SHISA9: variants seen among roughly 807,000 people sequenced by gnomAD.
SHISA9 encodes shisa family member 9, also known as protein shisa-9.
In SHISA9, 13 loss-of-function variants were observed where a neutral mutation model predicts 38.0. The ratio of observed to expected loss-of-function variants is 0.34; its 90% CI spans 0.22 to 0.54. SHISA9 has a LOEUF of 0.54. Ranked by LOEUF, SHISA9 falls within the 20% of genes least tolerant of loss-of-function variation. SHISA9 has a pLI of 0.91. For missense variants in SHISA9, 538 were observed against 575.8 expected, an observed-to-expected ratio of 0.93 and a Z score of 0.67; for synonymous variants, 275 against 242.0, an observed-to-expected ratio of 1.14 and a Z score of -1.27.
At chr16:13,369,482 A>T in the SHISA9 span, among the ~76,000 whole-genome samples, 4,007 of 152,218 alleles carry the variant, frequency 0.026, 72 homozygotes, top group Non-Finnish European at 0.039. Context: ...ATATCCTGGA[A>T]AGTTAGGTTT....
At chr16:13,402,888 G>A in the SHISA9 span, among the ~76,000 whole-genome samples, 2 of 152,192 alleles carry the variant, frequency 1.3e-5, no homozygotes, top group Non-Finnish European at 2.9e-5. Flanking sequence ...GGAGGCCAAG[G>A]CGGGCAGGTC....
At chr16:13,196,383 C>G (rs1482687807) in intron 2 of SHISA9, among the ~76,000 whole-genome samples, 1 of 135,586 alleles carries the variant, frequency 7.4e-6, no homozygotes, top group South Asian at 2.2e-4. Flanking sequence ...GGCGACAGAG[C>G]GAGACTCCGT....
the SHISA9 span, among the ~76,000 whole-genome samples, chr16:13,535,856 G>C: frequency 2.0e-5 from 3 of 152,142 alleles, no homozygotes; most frequent in South Asian, 2.1e-4. Flanking sequence ...TCTGGTTCAC[G>C]GTCTGCAAGA....
chr16:13,154,927 GTCCCTCTCTAGACA>G (rs1415304701), intron 2 of SHISA9, among the ~76,000 whole-genome samples: 3 of 152,234 alleles, frequency 2.0e-5, no homozygotes, highest in Non-Finnish European at 2.9e-5. Flanking sequence ...TGGGAACTCT[GTCCCTCTCTAGACA>G]TCCCTCTCTA....
chr16:13,539,389 TG>T, the SHISA9 span, among the ~76,000 whole-genome samples: 4 of 135,420 alleles, frequency 3.0e-5, 1 homozygote, highest in Non-Finnish European at 6.5e-5. Context: ...TTGTCCAAGC[TG>T]GTCTTGAACT....
rs889777003 is a variant in SHISA9 at position 13,239,750 on chromosome 16, G to C, written c.*4341G>C. 6.6e-6 allele frequency: 1 copy of C among 151,958 alleles called. No homozygotes were observed. Among genetic ancestry groups the C allele is most frequent in the Non-Finnish European group, 1.5e-5 (1 of 67,996 alleles). 9.4% of individuals were successfully genotyped at this position (151,958 alleles called of 1,614,324 possible). ...TGGATATTAGCCCTTTGTCAGATGA[G>C]TAGGTTGCGAAAATTTTCTCCCATT... On this transcript the variant is annotated 3_prime_UTR_variant, in exon 5 of 5. Transcript: ENST00000558583.
At chr16:13,081,253 A>G (rs553930098) in intron 2 of SHISA9, among the ~76,000 whole-genome samples, 2 of 152,302 alleles carry the variant, frequency 1.3e-5, no homozygotes, top group East Asian at 1.9e-4. Flanking sequence ...TGGACTTTTC[A>G]GTCATTTTGT....
chr16:13,493,526 G>T, the SHISA9 span, among the ~76,000 whole-genome samples: 1 of 152,168 alleles, frequency 6.6e-6, no homozygotes, highest in African/African-American at 2.4e-5. Flanking sequence ...GGCTCTGATA[G>T]GTAGGAGGTA....
At chr16:13,100,738 G>A (rs929742919) in intron 2 of SHISA9, among the ~76,000 whole-genome samples, 10 of 152,132 alleles carry the variant, frequency 6.6e-5, no homozygotes, top group East Asian at 1.9e-4. Flanking sequence ...ATGAGGTTTC[G>A]CTCTTGTTGC....
the SHISA9 span, among the ~76,000 whole-genome samples, chr16:13,415,250 T>C: frequency 8.5e-5 from 13 of 152,322 alleles, no homozygotes; most frequent in Middle Eastern, 3.4e-3. Flanking sequence ...TGGAATACTA[T>C]GCAGCTATAA....
At chr16:13,217,273 G>A (rs982168029) in intron 4 of SHISA9, among the ~76,000 whole-genome samples, 16 of 151,992 alleles carry the variant, frequency 1.1e-4, no homozygotes, top group Middle Eastern at 3.4e-3. Flanking sequence ...GTGAGACTCC[G>A]TCTCAAAATA....
the SHISA9 span, among the ~76,000 whole-genome samples, chr16:13,280,684 T>C: frequency 6.6e-6 from 1 of 151,818 alleles, no homozygotes; most frequent in South Asian, 2.1e-4. Flanking sequence ...TTGTTTAGAA[T>C]TTATTGAGAC....
chr16:13,038,581 T>C (rs1484570225), intron 2 of SHISA9, among the ~76,000 whole-genome samples: 4 of 152,238 alleles, frequency 2.6e-5, no homozygotes, highest in Non-Finnish European at 5.9e-5. Flanking sequence ...TCCTTCTCTG[T>C]AGTTGATCAT....
At chr16:13,516,759 C>T in the SHISA9 span, among the ~76,000 whole-genome samples, 1 of 149,762 alleles carries the variant, frequency 6.7e-6, no homozygotes, top group African/African-American at 2.5e-5. Flanking sequence ...GACTGTGCCA[C>T]TGCACTCTAG....
chr16:13,015,045 C>G (rs893961189), intron 2 of SHISA9, among the ~76,000 whole-genome samples: 2 of 152,240 alleles, frequency 1.3e-5, no homozygotes, highest in South Asian at 4.1e-4. Flanking sequence ...TTGCTCTCCA[C>G]ATCATCAAAG....
intron 2 of SHISA9, among the ~76,000 whole-genome samples, chr16:13,073,924 C>T (rs1250711788): frequency 6.6e-6 from 1 of 151,254 alleles, no homozygotes. Flanking sequence ...GACTTCTGGC[C>T]TCTAGAACCG....
chr16:13,397,892 G>A, the SHISA9 span, among the ~76,000 whole-genome samples: 1 of 152,200 alleles, frequency 6.6e-6, no homozygotes, highest in Admixed American at 6.5e-5. Flanking sequence ...TGGAGAATGA[G>A]TGCAAGGTTT....
chr16:13,426,459 C>T, the SHISA9 span, among the ~76,000 whole-genome samples: 1 of 152,236 alleles, frequency 6.6e-6, no homozygotes, highest in Non-Finnish European at 1.5e-5. Flanking sequence ...ATAGAGCCCC[C>T]ACTGGGAGGC....
chr16:13,185,953 A>C (rs977220291), intron 2 of SHISA9, among the ~76,000 whole-genome samples: 7 of 152,222 alleles, frequency 4.6e-5, no homozygotes, highest in African/African-American at 1.7e-4. Context: ...AACATTGCAG[A>C]GCACTTCCGC....
Sources: gnomAD v4.1 joint callset for allele counts (sites outside exome capture counted in the v4.1 genomes callset) on GRCh38, gnomAD v4.1.1 for gene constraint, MANE v1.5 for transcripts, NCBI Gene and HGNC (gene_info 2026-07-23, HGNC 2026-07-21) for gene names.